SLC44A5: variants seen among roughly 807,000 people sequenced by gnomAD.
The protein encoded by SLC44A5 is solute carrier family 44 member 5.
SLC44A5 carries 57 observed loss-of-function variants against 101.8 expected under a neutral mutation model. That is an observed-to-expected ratio of 0.56 (90% CI 0.45 to 0.70). The LOEUF is 0.70. Ranked by LOEUF, SLC44A5 falls within the 30% of genes least tolerant of loss-of-function variation. The pLI, the probability that SLC44A5 is intolerant of heterozygous loss-of-function variation, is 0.00. For missense variants in SLC44A5, 737 were observed against 853.1 expected (o/e 0.86, Z 1.70); for synonymous variants, 281 against 290.9 (o/e 0.97, Z 0.35).
chr1:75,445,428 A>G (rs2347218), intron 2 of SLC44A5, among the ~76,000 whole-genome samples: 93,842 of 151,332 alleles, frequency 0.62, 30,433 homozygotes, highest in East Asian at 0.96. Flanking sequence ...TCAGCCTCAG[A>G]TATTTTTTGT....
chr1:75,604,706 G>T (rs1675215406), intron 1 of SLC44A5, among the ~76,000 whole-genome samples: 1 of 151,802 alleles, frequency 6.6e-6, no homozygotes, highest in African/African-American at 2.4e-5. Context: ...GCGTTTTGTA[G>T]TTTTCTTTGT....
chr1:75,416,425 G>A (rs1663651241), intron 2 of SLC44A5, among the ~76,000 whole-genome samples: 1 of 152,218 alleles, frequency 6.6e-6, no homozygotes, highest in African/African-American at 2.4e-5. Flanking sequence ...TGGATGCCCA[G>A]GCAGAAGTTT....
intron 1 of SLC44A5, among the ~76,000 whole-genome samples, chr1:75,551,055 C>A (rs1306636991): frequency 6.6e-6 from 1 of 151,908 alleles, no homozygotes; most frequent in African/African-American, 2.4e-5. Context: ...CACAGTAGAC[C>A]CTCAATCACT....
chr1:75,462,033 A>G (rs1666529040), intron 2 of SLC44A5, among the ~76,000 whole-genome samples: 1 of 152,222 alleles, frequency 6.6e-6, no homozygotes, highest in African/African-American at 2.4e-5. Context: ...TATGGCACTG[A>G]GCAAACATAG....
intron 1 of SLC44A5, among the ~76,000 whole-genome samples, chr1:75,599,635 A>G (rs2102142926): frequency 6.6e-6 from 1 of 152,302 alleles, no homozygotes; most frequent in South Asian, 2.1e-4. Context: ...AAGATGGGAA[A>G]TTTTACAGAG....
intron 13 of SLC44A5, 46 bp from the exon 14 acceptor site, chr1:75,222,506 G>A (rs763275702): frequency 1.5e-5 from 18 of 1,183,662 alleles, no homozygotes; most frequent in East Asian, 2.4e-5. Context: ...AAGTAGATAC[G>A]GAAACAAACC....
intron 1 of SLC44A5, among the ~76,000 whole-genome samples, chr1:75,596,107 T>C (rs762170035): frequency 3.3e-5 from 5 of 152,110 alleles, no homozygotes; most frequent in Non-Finnish European, 7.4e-5. Flanking sequence ...AAATTCACTT[T>C]TTCTTTTTCT....
intron 2 of SLC44A5, among the ~76,000 whole-genome samples, chr1:75,524,262 A>C (rs568410522): frequency 1.3e-5 from 2 of 152,074 alleles, no homozygotes; most frequent in Non-Finnish European, 2.9e-5. Context: ...TCACCCTTAC[A>C]CCATGATTGT....
At chr1:75,336,908 T>C (rs944611990) in intron 4 of SLC44A5, among the ~76,000 whole-genome samples, 1 of 152,178 alleles carries the variant, frequency 6.6e-6, no homozygotes, top group African/African-American at 2.4e-5. Flanking sequence ...AGAACTCTGC[T>C]ACTACTTTCC....
chr1:75,598,526 A>T (rs1215566370), intron 1 of SLC44A5, among the ~76,000 whole-genome samples: 2 of 152,172 alleles, frequency 1.3e-5, no homozygotes, highest in Non-Finnish European at 2.9e-5. Context: ...AATCAACCTA[A>T]ATTCCCATCA....
chr1:75,522,584 G>A (rs139096002), intron 2 of SLC44A5, among the ~76,000 whole-genome samples: 1 of 152,130 alleles, frequency 6.6e-6, no homozygotes, highest in Middle Eastern at 3.4e-3. Context: ...GCACAAGAAT[G>A]TGTGAAAGTT....
At chr1:75,298,275 A>G (rs533340382) in intron 5 of SLC44A5, among the ~76,000 whole-genome samples, 7 of 151,144 alleles carry the variant, frequency 4.6e-5, no homozygotes, top group Admixed American at 4.6e-4. Flanking sequence ...AAGGCTATAT[A>G]TAGTTCAGGG....
intron 5 of SLC44A5, among the ~76,000 whole-genome samples, chr1:75,278,945 A>G (rs1488322885): frequency 6.6e-6 from 1 of 152,110 alleles, no homozygotes. Context: ...ATAGTTGCAC[A>G]TATTTTTAGG....
At chr1:75,279,813 G>C (rs938153370) in intron 5 of SLC44A5, among the ~76,000 whole-genome samples, 6 of 151,656 alleles carry the variant, frequency 4.0e-5, no homozygotes, top group African/African-American at 1.5e-4. Context: ...TCATTACATG[G>C]ATAAGTCCTT....
the SLC44A5 span, among the ~76,000 whole-genome samples, chr1:75,629,923 G>T: frequency 6.6e-6 from 1 of 152,154 alleles, no homozygotes. Context: ...ACCATTAAAA[G>T]CAAGTTAGAA....
At chr1:75,432,909 A>T (rs1664693612) in intron 2 of SLC44A5, among the ~76,000 whole-genome samples, 1 of 152,030 alleles carries the variant, frequency 6.6e-6, no homozygotes, top group African/African-American at 2.4e-5. Flanking sequence ...CAAATCAACC[A>T]CACCCTTTTC....
chr1:75,528,375 G>A (rs898785201), intron 2 of SLC44A5, among the ~76,000 whole-genome samples: 8 of 152,148 alleles, frequency 5.3e-5, no homozygotes, highest in African/African-American at 1.7e-4. Flanking sequence ...AGAAAAAAAG[G>A]ATGGTTTCTT....
At chr1:75,642,636 C>A in the SLC44A5 span, among the ~76,000 whole-genome samples, 1 of 152,044 alleles carries the variant, frequency 6.6e-6, no homozygotes, top group Admixed American at 6.6e-5. Flanking sequence ...AGTGTGCTGA[C>A]CATTTATAAA....
intron 2 of SLC44A5, among the ~76,000 whole-genome samples, chr1:75,458,021 T>C (rs986485208): frequency 6.6e-6 from 1 of 152,188 alleles, no homozygotes; most frequent in Non-Finnish European, 1.5e-5. Context: ...TACAATCTTG[T>C]AAATGAGCCC....
Sources: gnomAD v4.1 joint callset for allele counts (sites outside exome capture counted in the v4.1 genomes callset) on GRCh38, gnomAD v4.1.1 for gene constraint, MANE v1.5 for transcripts, NCBI Gene and HGNC (gene_info 2026-07-23, HGNC 2026-07-21) for gene names.